Variants in PACS1 observed in about 807,000 individuals in gnomAD.
The protein encoded by PACS1 is PACS-1.
A neutral mutation model predicts 115.0 loss-of-function variants in PACS1; 24 were observed. The observed-to-expected ratio is 0.21, with a 90% CI of 0.15 to 0.29. PACS1 has a LOEUF of 0.29. Among genes scored for constraint, PACS1 ranks in the 10% least tolerant of loss-of-function variants. The pLI is 1.00. For missense variants in PACS1, 838 were observed against 1,251.2 expected (o/e 0.67, Z 4.98); for synonymous variants, 453 against 504.5 (o/e 0.90, Z 1.37).
At chr11:66,191,794 C>A (rs1426457343) in intron 1 of PACS1, among the ~76,000 whole-genome samples, 1 of 152,168 alleles carries the variant, frequency 6.6e-6, no homozygotes, top group Non-Finnish European at 1.5e-5. Flanking sequence ...CAGGCCGAGG[C>A]AGGCGGATCA....
chr11:66,147,010 T>G (rs1859139342), intron 1 of PACS1, among the ~76,000 whole-genome samples: 1 of 152,156 alleles, frequency 6.6e-6, no homozygotes, highest in African/African-American at 2.4e-5. Context: ...TGAGCCGACA[T>G]CATGCCTGCC....
chr11:66,072,289 G>A (rs1050135506), intron 1 of PACS1, among the ~76,000 whole-genome samples: 2 of 152,016 alleles, frequency 1.3e-5, no homozygotes, highest in Non-Finnish European at 2.9e-5. Context: ...TGAATATACC[G>A]TAATTCTCTT....
chr11:66,236,350 AC>A lies in PACS1; in HGVS notation c.2250+413del, dbSNP rs1855703991. On this transcript the variant is annotated intron_variant, in intron 19 of 23. Transcript: ENST00000320580. The surrounding 1 kb of genome is among the most constrained non-coding windows in gnomAD (Gnocchi z 4.2). ...ACCAGGCCCTGACCTCGCTGCCTTC[AC>A]CCGGGGAGTGATGTCCAGACGTGGC... Among the ~76,000 whole-genome samples the A allele has an allele frequency of 6.6e-6, 1 of 152,080 alleles. No homozygotes were observed. Among genetic ancestry groups the A allele is most frequent in the Admixed American group, 6.5e-5 (1 of 15,272 alleles).
intron 1 of PACS1, among the ~76,000 whole-genome samples, chr11:66,082,068 TG>T: frequency 6.6e-6 from 1 of 152,362 alleles, no homozygotes; most frequent in East Asian, 1.9e-4. Context: ...TATATTTACT[TG>T]TTTCTGGTTC....
At chr11:66,207,100 C>A (rs1465744730) in intron 2 of PACS1, among the ~76,000 whole-genome samples, 1 of 152,160 alleles carries the variant, frequency 6.6e-6, no homozygotes, top group African/African-American at 2.4e-5. Context: ...TACATCATAA[C>A]ATTTCACCCA....
At chr11:66,137,002 TTGGATA>T (rs1423449918) in intron 1 of PACS1, among the ~76,000 whole-genome samples, 1 of 149,292 alleles carries the variant, frequency 6.7e-6, no homozygotes, top group Non-Finnish European at 1.5e-5. Flanking sequence ...GCCCTATGTC[TTGGATA>T]TGAGTCACAA....
At chr11:66,132,537 T>C (rs1385338613) in intron 1 of PACS1, among the ~76,000 whole-genome samples, 1 of 152,180 alleles carries the variant, frequency 6.6e-6, no homozygotes, top group Non-Finnish European at 1.5e-5. Flanking sequence ...TGAATACTTA[T>C]AATAGTTAAT....
chr11:66,186,189 T>G (rs1590804761), intron 1 of PACS1, among the ~76,000 whole-genome samples: 1 of 151,958 alleles, frequency 6.6e-6, no homozygotes, highest in South Asian at 2.1e-4. Flanking sequence ...ATGGGAAGAT[T>G]GCTTGAGTCC....
At chr11:66,151,239 A>G (rs1451217698) in intron 1 of PACS1, among the ~76,000 whole-genome samples, 6 of 151,786 alleles carry the variant, frequency 4.0e-5, no homozygotes, top group African/African-American at 1.5e-4. Context: ...TAAAAGACAG[A>G]CCTATACTAG....
intron 20 of PACS1, 33 bp from the exon 21 acceptor site, chr11:66,239,108 TG>T: frequency 1.2e-6 from 2 of 1,613,982 alleles, no homozygotes; most frequent in Non-Finnish European, 1.7e-6. Context: ...TAGCTTCCTC[TG>T]GCCAACTGTG....
At chr11:66,224,238 A>G (rs919973060) in intron 10 of PACS1, among the ~76,000 whole-genome samples, 1 of 146,456 alleles carries the variant, frequency 6.8e-6, no homozygotes, top group Non-Finnish European at 1.5e-5. Flanking sequence ...GTCAGCCTTT[A>G]TAATATGATG....
Position 66,128,352 on chromosome 11 carries a change from A to AT in PACS1, c.356+57514dup, listed in dbSNP as rs1385932126. Among the ~76,000 whole-genome samples, 3 of 152,358 alleles carry AT rather than the reference A, an allele frequency of 2.0e-5. No individual in the cohort carries two copies. In the East Asian group the frequency reaches 5.8e-4, roughly 29 times the overall value. On this transcript the variant is annotated intron_variant, in intron 1 of 23. Coordinates refer to ENST00000320580, the MANE Select transcript of PACS1 (RefSeq NM_018026.4). ...AGTTAAGTGTGAAAATTGTGGATAC[A>AT]TTTTAAAAGAATATCCTTTAAAGAG... is the stretch of plus-strand genomic sequence containing the variant.
At chr11:66,078,476 G>T (rs1005074162) in intron 1 of PACS1, among the ~76,000 whole-genome samples, 7 of 152,164 alleles carry the variant, frequency 4.6e-5, no homozygotes, top group African/African-American at 1.7e-4. Context: ...ACTTTATTAT[G>T]AGTAGGATTT....
At chr11:66,221,654 AAAAAG>A (rs1202855793) in intron 10 of PACS1, 7 of 161,008 alleles carry the variant, frequency 4.3e-5, no homozygotes, top group African/African-American at 1.2e-4. Context: ...AAAAAAAAAA[AAAAAG>A]AAAAGAAAAA....
chr11:66,185,890 G>A (rs995880908), intron 1 of PACS1, among the ~76,000 whole-genome samples: 2 of 152,014 alleles, frequency 1.3e-5, no homozygotes, highest in African/African-American at 4.8e-5. Context: ...ATCTGTTCCT[G>A]GTGAACATTA....
chr11:66,156,483 G>A (rs1209350480), intron 1 of PACS1, among the ~76,000 whole-genome samples: 1 of 151,580 alleles, frequency 6.6e-6, no homozygotes, highest in Non-Finnish European at 1.5e-5. Context: ...GGCCTTAAGT[G>A]ATCCATCCGT....
chr11:66,083,919 A>G (rs1423011200), intron 1 of PACS1: 1 of 152,230 alleles, frequency 6.6e-6, no homozygotes, highest in Non-Finnish European at 1.5e-5. Flanking sequence ...CTTCCTGCAC[A>G]TACCTTTACT....
chr11:66,122,522 A>G (rs1469442261), intron 1 of PACS1, among the ~76,000 whole-genome samples: 1 of 152,248 alleles, frequency 6.6e-6, no homozygotes, highest in Non-Finnish European at 1.5e-5. Flanking sequence ...AAGTAAATTT[A>G]AAACCTTCTG....
Position 66,235,423 on chromosome 11 carries a change from GT to G in PACS1, c.2207+23del. 6.4e-7 allele frequency: 1 copy of G among 1,573,404 alleles called. No homozygotes were observed. The highest frequency in any genetic ancestry group is 8.7e-7 in the Non-Finnish European group (1 of 1,143,694). On this transcript the variant is annotated intron_variant, in intron 18 of 23. Transcript: ENST00000320580. The surrounding 1 kb of genome is among the most constrained non-coding windows in gnomAD (Gnocchi z 5.6). ...TAAGTTGTAAGTTTGACTTTGAGGG[GT>G]TTCTTAAAAATAGGTTGGGTGGGTT... is the stretch of plus-strand genomic sequence containing the variant.
Sources: gnomAD v4.1 joint callset for allele counts (sites outside exome capture counted in the v4.1 genomes callset) on GRCh38, gnomAD v4.1.1 for gene constraint, Gnocchi (gnomAD v3.1) non-coding constraint, MANE v1.5 for transcripts, NCBI Gene and HGNC (gene_info 2026-07-23, HGNC 2026-07-21) for gene names.